Variants in SCARA5 observed in about 807,000 individuals in gnomAD.
SCARA5 encodes scavenger receptor class A member 5.
A neutral mutation model predicts 46.3 loss-of-function variants in SCARA5; 45 were observed. The ratio of observed to expected loss-of-function variants is 0.97; its 90% confidence interval spans 0.76 to 1.24. The LOEUF is 1.24. Ranked by LOEUF, SCARA5 falls within the 50% of genes most tolerant of loss-of-function variation. The pLI, the probability that SCARA5 is intolerant of heterozygous loss-of-function variation, is 0.00. For synonymous variants in SCARA5, 333 were observed against 306.5 expected (o/e 1.09, Z -0.90); for missense variants, 680 against 689.0 (o/e 0.99, Z 0.15).
rs761056786 is a variant in SCARA5 at position 27,871,959 on chromosome 8, G to A, written c.1463C>T (p.Ala488Val). ...GVTNCGHAED[A>V]SVTCNRH ...TCAGTGTCTGTTGCATGTCACGCTG[G>A]CATCTTCGGCATGTCCACAGTTTGT... The change falls in exon 9 of 9, where the codon GCC (alanine) becomes GTC (valine). Residue 488 changes from alanine to valine, a missense_variant. Around this residue, in one of 3 missense-constraint regions of SCARA5, gnomAD observed 219 missense variants for 269.5 expected, o/e 0.81. Transcript: ENST00000354914. 1 of 1,614,216 alleles carries A rather than the reference G, an allele frequency of 6.2e-7. No homozygotes were observed. Among genetic ancestry groups the A allele is most frequent in the Admixed American group, 1.7e-5 (1 of 60,032 alleles).
chr8:27,895,023 C>T (rs1317297055), intron 7 of SCARA5, among the ~76,000 whole-genome samples: 1 of 152,148 alleles, frequency 6.6e-6, no homozygotes, highest in Non-Finnish European at 1.5e-5. Flanking sequence ...AACTTTGCCT[C>T]TACAGAAAAG....
intron 3 of SCARA5, among the ~76,000 whole-genome samples, chr8:27,951,621 C>G (rs1266843516): frequency 6.6e-6 from 1 of 152,210 alleles, no homozygotes; most frequent in African/African-American, 2.4e-5. Context: ...ACGGTGCCAT[C>G]AGCGACTGCC....
chr8:27,920,005 G>A (rs1264834521), intron 4 of SCARA5, among the ~76,000 whole-genome samples: 1 of 151,586 alleles, frequency 6.6e-6, no homozygotes, highest in Non-Finnish European at 1.5e-5. Context: ...TGACGTGGGA[G>A]AAGTGCATTT....
chr8:27,915,310 C>T (rs970212584), intron 4 of SCARA5, among the ~76,000 whole-genome samples: 1 of 152,182 alleles, frequency 6.6e-6, no homozygotes, highest in Non-Finnish European at 1.5e-5. Flanking sequence ...GCCCTTGCTA[C>T]CGTCCTCCGA....
chr8:27,964,168 C>T (rs1053934993), intron 3 of SCARA5, among the ~76,000 whole-genome samples: 1 of 152,188 alleles, frequency 6.6e-6, no homozygotes, highest in African/African-American at 2.4e-5. Flanking sequence ...CTTAAAGAAC[C>T]TCAGACTTGT....
intron 8 of SCARA5, among the ~76,000 whole-genome samples, chr8:27,877,461 G>A (rs1315108424): frequency 2.0e-5 from 3 of 152,194 alleles, no homozygotes; most frequent in Non-Finnish European, 2.9e-5. Context: ...CCTGGCACTC[G>A]AAGCCCACCC....
chr8:27,932,842 G>T (rs1807797937), intron 3 of SCARA5, among the ~76,000 whole-genome samples: 1 of 152,154 alleles, frequency 6.6e-6, no homozygotes, highest in Admixed American at 6.6e-5. Context: ...TATTGGCCAG[G>T]GTGGGCTCGA....
intron 7 of SCARA5, among the ~76,000 whole-genome samples, chr8:27,888,166 C>G (rs1042987311): frequency 6.6e-6 from 1 of 152,162 alleles, no homozygotes; most frequent in Non-Finnish European, 1.5e-5. Context: ...AAGCCATTCT[C>G]TCCCGCCTCA....
intron 3 of SCARA5, among the ~76,000 whole-genome samples, chr8:27,932,179 C>T (rs1406961305): frequency 6.6e-6 from 1 of 152,010 alleles, no homozygotes; most frequent in Non-Finnish European, 1.5e-5. Context: ...GGGGTTTCAC[C>T]ATATTGCTCA....
At chr8:27,877,642 C>G (rs1441156566) in intron 8 of SCARA5, among the ~76,000 whole-genome samples, 1 of 152,172 alleles carries the variant, frequency 6.6e-6, no homozygotes, top group African/African-American at 2.4e-5. Context: ...AGGACTGTTC[C>G]TATTCTAATC....
At chr8:27,979,582 T>C (rs1020463192) in intron 2 of SCARA5, among the ~76,000 whole-genome samples, 39 of 151,330 alleles carry the variant, frequency 2.6e-4, no homozygotes, top group Non-Finnish European at 1.5e-4. Flanking sequence ...GAGACGGAGT[T>C]GTACTCCGTT....
At chr8:27,886,794 C>T (rs1806903205) in intron 7 of SCARA5, among the ~76,000 whole-genome samples, 1 of 152,200 alleles carries the variant, frequency 6.6e-6, no homozygotes, top group African/African-American at 2.4e-5. Flanking sequence ...AGCCACCAAC[C>T]ACCACTGGGA....
At chr8:27,901,407 T>C (rs758219489) in intron 7 of SCARA5, among the ~76,000 whole-genome samples, 2 of 152,158 alleles carry the variant, frequency 1.3e-5, no homozygotes, top group Non-Finnish European at 2.9e-5. Flanking sequence ...TCTCCGGTGC[T>C]GCAAACGCTT....
intron 4 of SCARA5, among the ~76,000 whole-genome samples, chr8:27,918,618 A>G (rs539251805): frequency 1.3e-5 from 2 of 148,816 alleles, no homozygotes; most frequent in East Asian, 2.0e-4. Context: ...GAGGAAGAGG[A>G]GGGGGAGCAG....
chr8:27,967,421 C>A (rs562266361), intron 2 of SCARA5, among the ~76,000 whole-genome samples: 1 of 152,052 alleles, frequency 6.6e-6, no homozygotes, highest in Non-Finnish European at 1.5e-5. Flanking sequence ...CATGAAGAGG[C>A]TTACTGATCT....
chr8:27,978,922 C>T (rs993271666), intron 2 of SCARA5, among the ~76,000 whole-genome samples: 2 of 152,146 alleles, frequency 1.3e-5, no homozygotes, highest in Non-Finnish European at 2.9e-5. Flanking sequence ...TCCTTGCTGG[C>T]TCTCTTATCC....
chr8:27,887,916 G>C (rs918161090), intron 7 of SCARA5, among the ~76,000 whole-genome samples: 1 of 152,192 alleles, frequency 6.6e-6, no homozygotes, highest in Non-Finnish European at 1.5e-5. Context: ...ACTCTCTATA[G>C]AAACTAAAGA....
intron 3 of SCARA5, among the ~76,000 whole-genome samples, chr8:27,943,707 T>C (rs1807986811): frequency 5.9e-5 from 9 of 152,160 alleles, no homozygotes. Context: ...CCACCTTACA[T>C]TGCAGCGGTC....
intron 1 of SCARA5, among the ~76,000 whole-genome samples, chr8:27,990,100 G>A (rs1808766579): frequency 6.6e-6 from 1 of 152,218 alleles, no homozygotes; most frequent in African/African-American, 2.4e-5. Flanking sequence ...TCAGCTCCTG[G>A]GACGGGGCTG....
Sources: gnomAD v4.1 joint callset for allele counts (sites outside exome capture counted in the v4.1 genomes callset) on GRCh38, gnomAD v4.1.1 for gene constraint, gnomAD v4.1.1 regional missense constraint, MANE v1.5 for transcripts, NCBI Gene and HGNC (gene_info 2026-07-23, HGNC 2026-07-21) for gene names.